Variants in PIP4K2A observed in about 807,000 individuals in gnomAD.
The protein encoded by PIP4K2A is phosphatidylinositol 5-phosphate 4-kinase type-2 alpha.
PIP4K2A carries 14 observed loss-of-function variants against 42.9 expected under a neutral mutation model. The ratio of observed to expected loss-of-function variants is 0.33; its 90% confidence interval spans 0.22 to 0.51. The LOEUF is 0.51. Among genes scored for constraint, PIP4K2A ranks in the 20% least tolerant of loss-of-function variants. PIP4K2A has a pLI of 0.97. For missense variants in PIP4K2A, 434 were observed against 519.8 expected (o/e 0.83, Z 1.61); for synonymous variants, 192 against 192.2 (o/e 1.00, Z 0.01).
At chr10:22,632,107 C>A (rs1196772660) in intron 1 of PIP4K2A, among the ~76,000 whole-genome samples, 1 of 152,014 alleles carries the variant, frequency 6.6e-6, no homozygotes, top group African/African-American at 2.4e-5. Flanking sequence ...GTGTAAAGGT[C>A]ATGATAGACA....
At chr10:22,713,956 C>T in intron 1 of PIP4K2A, 2 of 405,572 alleles carry the variant, frequency 4.9e-6, no homozygotes, top group Non-Finnish European at 8.9e-6. Flanking sequence ...GACCCCCGAC[C>T]CGCACCGGGC....
At chr10:22,621,575 C>T (rs952625068) in intron 1 of PIP4K2A, among the ~76,000 whole-genome samples, 6 of 152,184 alleles carry the variant, frequency 3.9e-5, no homozygotes, top group Admixed American at 1.3e-4. Context: ...AAATCTCATA[C>T]CTAAATCTGG....
At chr10:22,612,495 C>T (rs1034279359) in intron 1 of PIP4K2A, among the ~76,000 whole-genome samples, 1 of 152,156 alleles carries the variant, frequency 6.6e-6, no homozygotes, top group African/African-American at 2.4e-5. Flanking sequence ...CAGAAATAGA[C>T]AAGGTGCGTG....
chr10:22,553,216 G>A (rs941218874), intron 6 of PIP4K2A, among the ~76,000 whole-genome samples: 17 of 152,316 alleles, frequency 1.1e-4, no homozygotes, highest in Admixed American at 8.5e-4. Context: ...AGAGGCGAAG[G>A]CGGATCCTGG....
At chr10:22,630,079 G>A (rs1047880716) in intron 1 of PIP4K2A, among the ~76,000 whole-genome samples, 5 of 151,490 alleles carry the variant, frequency 3.3e-5, no homozygotes, top group African/African-American at 4.9e-5. Flanking sequence ...GCTCATGCTT[G>A]TAATCCCAGC....
chr10:22,595,915 G>A (rs987782455), intron 3 of PIP4K2A, among the ~76,000 whole-genome samples: 2 of 152,000 alleles, frequency 1.3e-5, no homozygotes, highest in Admixed American at 1.3e-4. Context: ...TCTAAAAATG[G>A]ATTTACTCAG....
intron 1 of PIP4K2A, among the ~76,000 whole-genome samples, chr10:22,707,724 TC>T (rs558759412): frequency 2.0e-5 from 3 of 152,034 alleles, no homozygotes; most frequent in Non-Finnish European, 2.9e-5. Context: ...CTATGCGTGT[TC>T]CCCCCCAAGA....
chr10:22,575,782 A>G (rs1419697360), intron 4 of PIP4K2A, among the ~76,000 whole-genome samples: 2 of 152,060 alleles, frequency 1.3e-5, no homozygotes, highest in Non-Finnish European at 2.9e-5. Flanking sequence ...TACTAAAAAT[A>G]CAACAATTAG....
chr10:22,549,320 C>T (rs1054190652), intron 7 of PIP4K2A, among the ~76,000 whole-genome samples: 1 of 151,616 alleles, frequency 6.6e-6, no homozygotes, highest in African/African-American at 2.4e-5. Context: ...ATGTATGACA[C>T]TCATTCTGTG....
At chr10:22,654,441 G>C (rs1021587484) in intron 1 of PIP4K2A, among the ~76,000 whole-genome samples, 1 of 152,148 alleles carries the variant, frequency 6.6e-6, no homozygotes, top group Non-Finnish European at 1.5e-5. Context: ...AGTACAAAAA[G>C]CTAAAAATTG....
intron 7 of PIP4K2A, 64 bp downstream of exon 7, chr10:22,550,595 T>A: frequency 2.2e-6 from 2 of 891,674 alleles, no homozygotes; most frequent in East Asian, 2.4e-5. Context: ...TTTAAAAAGC[T>A]CCTAAAACCC....
At chr10:22,562,528 G>A (rs1836737218) in intron 6 of PIP4K2A, among the ~76,000 whole-genome samples, 3 of 152,210 alleles carry the variant, frequency 2.0e-5, no homozygotes, top group Admixed American at 2.0e-4. Flanking sequence ...CAGCCTGGGT[G>A]ACAGAGCGAG....
intron 5 of PIP4K2A, among the ~76,000 whole-genome samples, chr10:22,572,287 AG>A (rs2130794353): frequency 6.6e-6 from 1 of 152,336 alleles, no homozygotes; most frequent in East Asian, 1.9e-4. Flanking sequence ...TACAGAAACA[AG>A]GGGCATCGTG....
intron 1 of PIP4K2A, among the ~76,000 whole-genome samples, chr10:22,628,354 T>C (rs1838488819): frequency 6.6e-6 from 1 of 152,234 alleles, no homozygotes; most frequent in South Asian, 2.1e-4. Context: ...TAAGTCCTTT[T>C]TATAGTATGA....
intron 1 of PIP4K2A, among the ~76,000 whole-genome samples, chr10:22,654,129 G>A (rs1013550090): frequency 2.6e-5 from 4 of 152,280 alleles, no homozygotes; most frequent in Non-Finnish European, 4.4e-5. Flanking sequence ...TTTGCTGGCC[G>A]CAGATGCCCA....
Position 22,714,149 on chromosome 10 carries a change from G to A in PIP4K2A, c.144+34C>T, listed in dbSNP as rs1256483163. The A allele has an allele frequency of 3.8e-6, 6 of 1,580,984 alleles. No homozygotes were observed. The African/African-American group carries it at 4.1e-5, about 11-fold the overall frequency. On this transcript the variant is annotated intron_variant, in intron 1 of 9. Coordinates refer to ENST00000376573, the MANE Select transcript of PIP4K2A (RefSeq NM_005028.5). ...GGAACGAGGAGGAAGAGGAGGAGGA[G>A]GAAGGGGACCGCGCGCCGCAGCTGA...
intron 4 of PIP4K2A, among the ~76,000 whole-genome samples, chr10:22,577,317 A>G (rs2130801525): frequency 6.6e-6 from 1 of 151,732 alleles, no homozygotes; most frequent in East Asian, 2.0e-4. Context: ...TGTCCCCTCT[A>G]AACCTCATGT....
At chr10:22,674,782 A>AACAT (rs144795669) in intron 1 of PIP4K2A, among the ~76,000 whole-genome samples, 6 of 148,404 alleles carry the variant, frequency 4.0e-5, no homozygotes, top group African/African-American at 1.5e-4. Flanking sequence ...TCTCTACCAA[A>AACAT]AAATAAATAA....
chr10:22,572,315 G>C (rs748146967), intron 5 of PIP4K2A, among the ~76,000 whole-genome samples: 2 of 152,196 alleles, frequency 1.3e-5, no homozygotes, highest in African/African-American at 2.4e-5. Context: ...CAATAAAAAT[G>C]TATTTATAAA....
Sources: allele counts gnomAD v4.1 joint callset (sites outside exome capture counted in the v4.1 genomes callset), GRCh38; gene constraint gnomAD v4.1.1; transcripts MANE v1.5; gene names NCBI Gene and HGNC (gene_info 2026-07-23, HGNC 2026-07-21).